The following FBXW4 variants were observed in gnomAD, a reference collection of about 807,000 sequenced individuals.
FBXW4 encodes F-box/WD repeat-containing protein 4.
A neutral mutation model predicts 61.8 loss-of-function variants in FBXW4; 40 were observed. The observed-to-expected ratio is 0.65, with a 90% CI of 0.50 to 0.84. FBXW4 has a LOEUF of 0.84. FBXW4 is among the 40% of genes least tolerant of loss of function. The pLI, the probability that FBXW4 is intolerant of heterozygous loss-of-function variation, is 0.00. For missense variants in FBXW4, 672 were observed against 753.8 expected, an observed-to-expected ratio of 0.89 and a Z score of 1.27; for synonymous variants, 311 against 313.8, an observed-to-expected ratio of 0.99 and a Z score of 0.10.
chr10:101,640,926 G>T (rs1564910944), intron 5 of FBXW4, among the ~76,000 whole-genome samples: 1 of 151,816 alleles, frequency 6.6e-6, no homozygotes, highest in Admixed American at 6.6e-5. Context: ...CACCTCCCAG[G>T]TTCAAGCAAT....
chr10:101,674,021 G>A (rs962184422), intron 2 of FBXW4, among the ~76,000 whole-genome samples: 2 of 152,106 alleles, frequency 1.3e-5, no homozygotes, highest in Non-Finnish European at 2.9e-5. Flanking sequence ...ACGGTCAAGG[G>A]GTGAGAAGGG....
At position 101,667,946 on chromosome 10, in the gene FBXW4, C is replaced by T. The variant is rs762271297; in HGVS notation, c.1175G>A (p.Cys392Tyr). The change falls in exon 5 of 9, where the codon TGC becomes TAC. Residue 392 changes from cysteine (C) to tyrosine (Y), a missense_variant. By Grantham distance (194) the Cys-to-Tyr change is radical. Coordinates refer to ENST00000331272, the MANE Select transcript of FBXW4 (RefSeq NM_022039.4). ...WPLASGRLGQ[C>Y]LHTIQTEDRV... is the part of the protein sequence containing the mutation. Reference sequence around the variant, plus strand: ...GTCTTCAGTCTGGATGGTGTGTAAGCACTGCCCCAGCCGGCCTGAGGCCAA... The same window carrying T: ...GTCTTCAGTCTGGATGGTGTGTAAGTACTGCCCCAGCCGGCCTGAGGCCAA... 1 of 1,614,214 alleles carries T rather than the reference C, an allele frequency of 6.2e-7. No individual in the cohort carries two copies. The highest frequency in any genetic ancestry group is 8.5e-7 in the Non-Finnish European group (1 of 1,180,020).
At position 101,657,526 on chromosome 10, in the gene FBXW4, T is replaced by C. The variant is rs1389808387; in HGVS notation, c.1235+10360A>G. Among the ~76,000 whole-genome samples the C allele has an allele frequency of 2.7e-5, 4 of 146,150 alleles. No homozygotes were observed. In the East Asian group the frequency reaches 8.3e-4, roughly 30 times the overall value. The stretch of plus-strand genomic sequence containing the variant: ...ATGCTTGCCTGTAGTACCAGCTACT[T>C]GGGGGGCTGAGGCAAGAGAATCACT... On this transcript the variant is annotated intron_variant, in intron 5 of 8. Coordinates refer to ENST00000331272, the MANE Select transcript of FBXW4 (RefSeq NM_022039.4).
At chr10:101,689,134 C>CA (rs35098665) in intron 1 of FBXW4, among the ~76,000 whole-genome samples, 146,784 of 148,226 alleles carry the variant, frequency 0.99, 72,674 homozygotes, top group South Asian at 1. Context: ...GTTCCAGGTG[C>CA]AAAAAAAAAA....
Position 101,636,397 on chromosome 10 carries a change from GA to G in FBXW4, c.1236-11588del, listed in dbSNP as rs1213028024. Reference sequence around the variant, plus strand: ...AAAACAAAAACAAAACAAAACAACGGAAAAAAAAAAAACAAAAAAGAATTGC... The same window carrying G: ...AAAACAAAAACAAAACAAAACAACGGAAAAAAAAAAACAAAAAAGAATTGC... On this transcript the variant is annotated intron_variant, in intron 5 of 8. Transcript: ENST00000331272. Among the ~76,000 whole-genome samples the G allele has an allele frequency of 2.9e-3, 329 of 111,724 alleles. 2 individuals are homozygous for G. Among genetic ancestry groups the G allele is most frequent in the African/African-American group, 9.0e-3 (271 of 30,276 alleles). The allele number at this position is 111,724 out of a possible 152,430, so 73.3% of individuals were successfully genotyped here.
intron 2 of FBXW4, 41 bp from the exon 3 acceptor site, chr10:101,673,714 C>CATTGG: frequency 6.3e-7 from 1 of 1,590,984 alleles, no homozygotes; most frequent in Non-Finnish European, 8.6e-7. Flanking sequence ...CATCAAGATA[C>CATTGG]AGTATGAAAA....
At chr10:101,619,122 T>C (rs1039495648) in intron 6 of FBXW4, among the ~76,000 whole-genome samples, 1 of 152,152 alleles carries the variant, frequency 6.6e-6, no homozygotes, top group Non-Finnish European at 1.5e-5. Flanking sequence ...GGCTTTGGCA[T>C]AGTTCCTCAG....
intron 5 of FBXW4, among the ~76,000 whole-genome samples, chr10:101,656,160 C>T (rs921659964): frequency 2.6e-5 from 4 of 152,190 alleles, no homozygotes; most frequent in African/African-American, 4.8e-5. Context: ...CTCCACACTG[C>T]CTTTTGGCCT....
At chr10:101,646,884 C>T (rs2064103915) in intron 5 of FBXW4, among the ~76,000 whole-genome samples, 1 of 152,196 alleles carries the variant, frequency 6.6e-6, no homozygotes, top group Admixed American at 6.5e-5. Flanking sequence ...GCTTCTAATA[C>T]CCATTATTCC....
In FBXW4 at chr10:101,694,367, G is replaced by A; in HGVS notation, c.725+14C>T. 3 of 1,363,444 alleles carry A rather than the reference G, an allele frequency of 2.2e-6. No individual in the cohort carries two copies. The highest frequency in any genetic ancestry group is 2.8e-6 in the Non-Finnish European group (3 of 1,066,250). The allele number at this position is 1,363,444 out of a possible 1,614,324, so 84.5% of individuals were successfully genotyped here. On this transcript the variant is annotated intron_variant, in intron 1 of 8. Transcript: ENST00000331272. This position sits in a 1 kb window ranked among gnomAD's most constrained non-coding sequence, Gnocchi z 6.0. ...GGCTCGGGGCGGGGAGCGGGCGGGC[G>A]AGCGGACGCTTACAGGTCGGTGCCG...
At chr10:101,633,027 G>A (rs919759032) in intron 5 of FBXW4, among the ~76,000 whole-genome samples, 3 of 152,208 alleles carry the variant, frequency 2.0e-5, no homozygotes, top group African/African-American at 4.8e-5. Flanking sequence ...GGGTGCAGGT[G>A]TGGACCCCTG....
rs17696674 is a variant in FBXW4, at chr10:101,655,306, T to C, written c.1235+12580A>G. On this transcript the variant is annotated intron_variant, in intron 5 of 8. Transcript: ENST00000331272. ...AAAACTCTAACTTTTCCTCTTTTTA[T>C]TCTTGAACTCATCCTTATCAGCCTG... 3.9e-5 allele frequency among the ~76,000 whole-genome samples: 6 copies of C among 152,322 alleles called. No homozygotes were observed. The East Asian group carries it at 1.2e-3, about 29-fold the overall frequency.
At chr10:101,665,951 C>G (rs144609481) in intron 5 of FBXW4, among the ~76,000 whole-genome samples, 1 of 152,294 alleles carries the variant, frequency 6.6e-6, no homozygotes, top group Non-Finnish European at 1.5e-5. Context: ...CACCTCCACT[C>G]CAGTCTCCCA....
At chr10:101,627,572 A>G (rs1277909927) in intron 5 of FBXW4, among the ~76,000 whole-genome samples, 2 of 152,162 alleles carry the variant, frequency 1.3e-5, no homozygotes, top group African/African-American at 4.8e-5. Context: ...AGAATGAGCA[A>G]AAGCTACAGA....
chr10:101,651,265 G>C (rs998698171), intron 5 of FBXW4, among the ~76,000 whole-genome samples: 2 of 152,108 alleles, frequency 1.3e-5, no homozygotes, highest in Non-Finnish European at 2.9e-5. Flanking sequence ...CAGAAAGAGG[G>C]GACTAATTAC....
chr10:101,668,038 A>G, intron 4 of FBXW4, 58 bp from the exon 5 acceptor site: 1 of 1,352,536 alleles, frequency 7.4e-7, no homozygotes, highest in South Asian at 1.2e-5. Flanking sequence ...TGGGGAGGAG[A>G]GGTGCTCCGG....
intron 5 of FBXW4, among the ~76,000 whole-genome samples, chr10:101,640,373 G>T (rs2064040069): frequency 6.6e-6 from 1 of 152,002 alleles, no homozygotes; most frequent in South Asian, 2.1e-4. Flanking sequence ...CCTTTTTATG[G>T]ACTGATGAGA....
intron 6 of FBXW4, among the ~76,000 whole-genome samples, chr10:101,618,488 G>A (rs1211828283): frequency 6.6e-6 from 1 of 152,212 alleles, no homozygotes; most frequent in East Asian, 1.9e-4. Flanking sequence ...TGGGTGAGAA[G>A]CCTATTCTGC....
intron 5 of FBXW4, among the ~76,000 whole-genome samples, chr10:101,654,940 C>A (rs529492956): frequency 6.6e-6 from 1 of 152,372 alleles, no homozygotes; most frequent in South Asian, 2.1e-4. Flanking sequence ...CCCCCCACCT[C>A]AGCCTCTTGA....
Sources: gnomAD v4.1 joint callset for allele counts (sites outside exome capture counted in the v4.1 genomes callset) on GRCh38, gnomAD v4.1.1 for gene constraint, Gnocchi (gnomAD v3.1) non-coding constraint, MANE v1.5 for transcripts, NCBI Gene and HGNC (gene_info 2026-07-23, HGNC 2026-07-21) for gene names.